The following HELLS variants were observed in gnomAD, a reference collection of about 807,000 sequenced individuals.
HELLS encodes helicase, lymphoid specific.
Under a neutral mutation model 120.0 loss-of-function variants are expected in HELLS, and 32 were observed. The ratio of observed to expected loss-of-function variants is 0.27; its 90% CI spans 0.20 to 0.36. The LOEUF (loss-of-function observed/expected upper bound fraction) is 0.36. HELLS is among the 10% of genes least tolerant of loss of function. HELLS has a pLI of 1.00. For missense variants in HELLS, 650 were observed against 993.4 expected, an observed-to-expected ratio of 0.65 and a Z score of 4.65; for synonymous variants, 341 against 323.4, an observed-to-expected ratio of 1.05 and a Z score of -0.58.
intron 12 of HELLS, 130 bp downstream of exon 12, chr10:94,583,189 C>G: frequency 2.2e-6 from 1 of 453,286 alleles, no homozygotes; most frequent in Non-Finnish European, 3.9e-6. Flanking sequence ...TTAAATGACT[C>G]CTTTGTCCTT....
chr10:94,551,123 A>T (rs946269255), intron 2 of HELLS: 1 of 152,232 alleles, frequency 6.6e-6, no homozygotes, highest in Non-Finnish European at 1.5e-5. Flanking sequence ...AAAAGAACTG[A>T]AAATTGAGTT....
chr10:94,609,126 C>T (rs767595147), intron 9 of HELLS, among the ~76,000 whole-genome samples: 1 of 145,274 alleles, frequency 6.9e-6, no homozygotes, highest in Non-Finnish European at 1.5e-5. Flanking sequence ...CAGGTTCAAG[C>T]GATTCTCCTG....
intron 12 of HELLS, among the ~76,000 whole-genome samples, chr10:94,583,510 G>T (rs924982014): frequency 1.3e-5 from 2 of 152,080 alleles, no homozygotes; most frequent in African/African-American, 4.8e-5. Flanking sequence ...CTTCTCAGTT[G>T]TGGTTTAGCA....
At chr10:94,571,760 AG>A (rs1844181217) in intron 7 of HELLS, among the ~76,000 whole-genome samples, 1 of 152,220 alleles carries the variant, frequency 6.6e-6, no homozygotes, top group Non-Finnish European at 1.5e-5. Flanking sequence ...GGAAGCTGTG[AG>A]GGATGCCTTA....
chr10:94,568,402 C>A (rs1327511867), intron 6 of HELLS, among the ~76,000 whole-genome samples: 2 of 152,018 alleles, frequency 1.3e-5, no homozygotes, highest in Non-Finnish European at 2.9e-5. Context: ...AATATCAGAA[C>A]CAGTATCTAC....
chr10:94,584,103 T>C (rs1243889684), intron 12 of HELLS: 3 of 1,381,538 alleles, frequency 2.2e-6, no homozygotes, highest in Non-Finnish European at 2.9e-6. Flanking sequence ...ACTTATTTAC[T>C]CAAGCTTCAT....
chr10:94,556,835 T>G (rs777995769), intron 3 of HELLS, among the ~76,000 whole-genome samples: 1 of 143,928 alleles, frequency 6.9e-6, no homozygotes, highest in Non-Finnish European at 1.6e-5. Flanking sequence ...TCCTAGCTTA[T>G]GTTGTTTCTG....
At chr10:94,601,461 A>G in intron 21 of HELLS, 67 bp from the exon 22 acceptor site, 3 of 846,556 alleles carry the variant, frequency 3.5e-6, no homozygotes, top group South Asian at 3.0e-5. Flanking sequence ...ATCATATTGG[A>G]TGTTTCTTTT....
At chr10:94,588,478 C>G (rs79144139) in intron 13 of HELLS, 88 bp downstream of exon 13, 1 of 966,498 alleles carries the variant, frequency 1.0e-6, no homozygotes, top group Non-Finnish European at 1.5e-6. Flanking sequence ...AGGTGTCGCT[C>G]TGTCACCCAG....
intron 10 of HELLS, among the ~76,000 whole-genome samples, chr10:94,579,236 T>A (rs1844690345): frequency 6.8e-6 from 1 of 147,378 alleles, no homozygotes; most frequent in Non-Finnish European, 1.5e-5. Flanking sequence ...AGTCTTGCTC[T>A]GTTGCCCAGG....
intron 12 of HELLS, chr10:94,584,027 G>A: frequency 1.2e-6 from 1 of 853,390 alleles, no homozygotes; most frequent in South Asian, 1.6e-5. Context: ...GTTTACAGAT[G>A]AGGGCTTCTT....
chr10:94,545,946 A>C lies in HELLS; in HGVS notation c.25A>C (p.Ser9Arg), dbSNP rs745372372. The C allele has an allele frequency of 2.1e-5, 33 of 1,555,976 alleles. No homozygotes were observed. The highest frequency in any genetic ancestry group is 2.7e-5 in the African/African-American group (2 of 73,446). ...CATGCCAGCGGAACGGCCCGCGGGC[A>C]GCGGCGGTGAGTGAGGAAAACCTTT... is the stretch of plus-strand genomic sequence containing the variant. MPAERPAGSGGSEAPAMVE... is the reference protein window; with the variant it reads MPAERPAGRGGSEAPAMVE... Residue 9 changes from serine to arginine, a missense_variant, in exon 1 of 22, where the codon AGC (serine) becomes CGC (arginine). Coordinates refer to ENST00000348459, the MANE Select transcript of HELLS (RefSeq NM_018063.5).
intron 21 of HELLS, among the ~76,000 whole-genome samples, chr10:94,599,608 C>T (rs1845930752): frequency 6.6e-6 from 1 of 152,212 alleles, no homozygotes; most frequent in Non-Finnish European, 1.5e-5. Flanking sequence ...CTGTCTGCCT[C>T]ATCCTCCTAA....
At chr10:94,611,760 C>T (rs910324587) in exon 10 of HELLS, 1 of 152,170 alleles carries the variant, frequency 6.6e-6, no homozygotes, top group Non-Finnish European at 1.5e-5. Flanking sequence ...GAGTGATTGG[C>T]TCTTCCTAAA....
At chr10:94,575,633 A>G (rs1165785905) in intron 9 of HELLS, among the ~76,000 whole-genome samples, 2 of 151,994 alleles carry the variant, frequency 1.3e-5, no homozygotes, top group Non-Finnish European at 2.9e-5. Context: ...ATGTTGGCCA[A>G]GATGGCCTCT....
At chr10:94,593,844 G>A (rs1845613562) in intron 18 of HELLS, among the ~76,000 whole-genome samples, 1 of 151,962 alleles carries the variant, frequency 6.6e-6, no homozygotes, top group Non-Finnish European at 1.5e-5. Context: ...TGTGTTTTTA[G>A]TAGAGACGGG....
In HELLS at chr10:94,545,790, A is replaced by G. The variant is rs1842714201; in HGVS notation, c.-132A>G. On this transcript the variant is annotated 5_prime_UTR_variant, in exon 1 of 22. Coordinates refer to ENST00000348459, the MANE Select transcript of HELLS (RefSeq NM_018063.5). ...GCGAGATGACAGGATTTTCCCGCGA[A>G]GGAGAAGCGCGCTTTTTTCCCTGGC... The G allele has an allele frequency of 6.1e-6, 6 of 990,984 alleles. No individual in the cohort carries two copies. The South Asian group carries it at 8.3e-5, about 14-fold the overall frequency. The allele number at this position is 990,984 out of a possible 1,614,324, so 61.4% of individuals were successfully genotyped here.
In HELLS at chr10:94,590,640, C is replaced by G. The variant is rs376323192; in HGVS notation, c.1631C>G (p.Ala544Gly). 34 of 1,608,056 alleles carry G rather than the reference C, an allele frequency of 2.1e-5. No individual in the cohort carries two copies. Among genetic ancestry groups the G allele is most frequent in the Non-Finnish European group, 2.9e-5 (34 of 1,178,398 alleles). ...ATATGCATTATTTGTTTTGGTAGAG[C>G]TGTTGTGGAAGTGAATATCCCTGTA... ...QIQPEVDRER[A>G]VVEVNIPVES... is the part of the protein sequence containing the mutation. Residue 544 changes from alanine to glycine, a missense_variant and splice_region_variant, in exon 15 of 22, where the codon GCT becomes GGT. Ala to Gly is a moderately conservative substitution (Grantham distance 60). Transcript: ENST00000348459.
intron 6 of HELLS, among the ~76,000 whole-genome samples, chr10:94,568,709 G>C (rs1481388151): frequency 2.6e-5 from 4 of 152,032 alleles, no homozygotes; most frequent in African/African-American, 7.3e-5. Flanking sequence ...CAAAATACAA[G>C]GAAATCACCT....
Sources: allele counts gnomAD v4.1 joint callset (sites outside exome capture counted in the v4.1 genomes callset), GRCh38; gene constraint gnomAD v4.1.1; transcripts MANE v1.5; gene names NCBI Gene and HGNC (gene_info 2026-07-23, HGNC 2026-07-21).